The following MFSD6 variants were observed in gnomAD, a reference collection of about 807,000 sequenced individuals.
MFSD6 encodes major facilitator superfamily domain containing 6.
A neutral mutation model predicts 56.3 loss-of-function variants in MFSD6; 26 were observed. That is an observed-to-expected ratio of 0.46 (90% CI 0.34 to 0.64). MFSD6 has a LOEUF of 0.64. MFSD6 is among the 30% of genes least tolerant of loss of function. MFSD6 has a pLI of 0.01. For missense variants in MFSD6, 750 were observed against 986.2 expected, an observed-to-expected ratio of 0.76 and a Z score of 3.21; for synonymous variants, 331 against 366.9, an observed-to-expected ratio of 0.90 and a Z score of 1.12.
chr2:190,493,432 G>A (rs547203905), intron 6 of MFSD6, among the ~76,000 whole-genome samples: 1 of 152,180 alleles, frequency 6.6e-6, no homozygotes, highest in South Asian at 2.1e-4. Context: ...CACAATAATA[G>A]TGGGAGACGT....
In MFSD6 at chr2:190,489,889, A is replaced by C. The variant is rs1277898738; in HGVS notation, c.1891+23A>C. 6 of 1,602,680 alleles carry C rather than the reference A, an allele frequency of 3.7e-6. No individual in the cohort carries two copies. The highest frequency in any genetic ancestry group is 5.1e-6 in the Non-Finnish European group (6 of 1,172,268). On this transcript the variant is annotated intron_variant, in intron 6 of 7. Coordinates refer to ENST00000392328, the MANE Select transcript of MFSD6 (RefSeq NM_017694.4). This position sits in a 1 kb window ranked among gnomAD's most constrained non-coding sequence, Gnocchi z 6.6. ...AAGGTAATTATTTCCATTCTTTCTT[A>C]ATATTCCTAACAGTTCAGGCCATGG... is the stretch of plus-strand genomic sequence containing the variant.
Position 190,497,483 on chromosome 2 carries a change from G to A in MFSD6, c.1936G>A (p.Val646Ile), listed in dbSNP as rs368011115. Residue 646 changes from valine (V) to isoleucine (I), a missense_variant, in exon 7 of 8, where the codon GTT (valine) becomes ATT (isoleucine). Val to Ile is a conservative substitution (Grantham distance 29). Around this residue, in one of 5 missense-constraint regions of MFSD6, gnomAD observed 172 missense variants for 203.9 expected, o/e 0.84. Coordinates refer to ENST00000392328, the MANE Select transcript of MFSD6 (RefSeq NM_017694.4). This position sits in a 1 kb window ranked among gnomAD's most constrained non-coding sequence, Gnocchi z 5.2. ...AAGAATTCCTGTTCCCTCCAGTCCCGTTCCTATAGCAACCATCGACTTGGT... is the reference window on the plus strand; with the variant it reads ...AAGAATTCCTGTTCCCTCCAGTCCCATTCCTATAGCAACCATCGACTTGGT... ...AERIPVPSSP[V>I]PIATIDLVQQ... 91 of 1,613,944 alleles carry A rather than the reference G, an allele frequency of 5.6e-5. No homozygotes were observed. The highest frequency in any genetic ancestry group is 1.6e-4 in the Middle Eastern group (1 of 6,084).
chr2:190,463,889 A>G lies in MFSD6; in HGVS notation c.1533-5869A>G. ...ATGGAGCCCAATCTAAGGGCGCACC[A>G]TATACTGTCTACCATACAGAAAACG... On this transcript the variant is annotated intron_variant, in intron 3 of 7. Transcript: ENST00000392328. The surrounding 1 kb of genome is among the most constrained non-coding windows in gnomAD (Gnocchi z 4.4). 1 of 984,654 alleles carries G rather than the reference A, an allele frequency of 1.0e-6. No individual in the cohort carries two copies. The highest frequency in any genetic ancestry group is 1.2e-6 in the Non-Finnish European group (1 of 829,234). 61.0% of individuals were successfully genotyped at this position (984,654 alleles called of 1,614,324 possible).
At position 190,438,364 on chromosome 2, in the gene MFSD6, AAGTT is replaced by A. The variant is rs1411876154; in HGVS notation, c.1532+806_1532+809del. 6.6e-6 allele frequency among the ~76,000 whole-genome samples: 1 copy of A among 152,102 alleles called. No homozygotes were observed. The highest frequency in any genetic ancestry group is 1.5e-5 in the Non-Finnish European group (1 of 68,012). On this transcript the variant is annotated intron_variant, in intron 3 of 7. Coordinates refer to ENST00000392328, the MANE Select transcript of MFSD6 (RefSeq NM_017694.4). The surrounding 1 kb of genome is among the most constrained non-coding windows in gnomAD (Gnocchi z 5.2). ...AACCCCATCTCTACTAAAAATACAA[AAGTT>A]AGCCGGGCATGGTGGCACGCACCCG...
rs1686202886 is a variant in MFSD6 at position 190,437,107 on chromosome 2, T to C, written c.1078T>C (p.Cys360Arg). The change falls in exon 3 of 8, where the codon TGT becomes CGT. Residue 360 changes from cysteine to arginine, a missense_variant. Transcript: ENST00000392328. This position sits in a 1 kb window ranked among gnomAD's most constrained non-coding sequence, Gnocchi z 5.9. ...HIEVLIDGKG[C>R]KPPEYRNYQI... ...CGAAGTGCTCATCGATGGAAAGGGG[T>C]GTAAGCCCCCCGAGTACAGGAATTA... 1 of 1,614,056 alleles carries C rather than the reference T, an allele frequency of 6.2e-7. No homozygotes were observed. The highest frequency in any genetic ancestry group is 8.5e-7 in the Non-Finnish European group (1 of 1,180,034).
chr2:190,479,701 A>C (rs1386678891), intron 4 of MFSD6, among the ~76,000 whole-genome samples: 4 of 152,144 alleles, frequency 2.6e-5, no homozygotes, highest in African/African-American at 7.2e-5. Context: ...ATCTGATGAG[A>C]GTAAAACTCA....
chr2:190,424,151 A>G lies in MFSD6; in HGVS notation c.-54+8738A>G, dbSNP rs1337562988. 6.6e-6 allele frequency among the ~76,000 whole-genome samples: 1 copy of G among 151,910 alleles called. No homozygotes were observed. Among genetic ancestry groups the G allele is most frequent in the African/African-American group, 2.4e-5 (1 of 41,364 alleles). On this transcript the variant is annotated intron_variant, in intron 2 of 7. Transcript: ENST00000392328. The surrounding 1 kb of genome is among the most constrained non-coding windows in gnomAD (Gnocchi z 5.9). ...GTTTTAAATTTTAATGAAGTCTAAC[A>G]TTAGTTTTTCCTTTTATGGATCATG... is the stretch of plus-strand genomic sequence containing the variant.
At chr2:190,464,126 C>T (rs770859107) in intron 3 of MFSD6, among the ~76,000 whole-genome samples, 39 of 152,298 alleles carry the variant, frequency 2.6e-4, no homozygotes, top group Non-Finnish European at 1.6e-4. Flanking sequence ...CCTCGAGCAA[C>T]CTTGTATGCA....
chr2:190,438,794 T>G lies in MFSD6; in HGVS notation c.1532+1233T>G, dbSNP rs74503974. On this transcript the variant is annotated intron_variant, in intron 3 of 7. Coordinates refer to ENST00000392328, the MANE Select transcript of MFSD6 (RefSeq NM_017694.4). The surrounding 1 kb of genome is among the most constrained non-coding windows in gnomAD (Gnocchi z 5.2). ...AGGAGAAATAGACAATGACAAGATTTGACAATCCTTTATTTCCTTTCTATT... is the reference window on the plus strand; with the variant it reads ...AGGAGAAATAGACAATGACAAGATTGGACAATCCTTTATTTCCTTTCTATT... 9.8e-5 allele frequency among the ~76,000 whole-genome samples: 15 copies of G among 152,360 alleles called. No individual in the cohort carries two copies. Among genetic ancestry groups the G allele is most frequent in the Middle Eastern group, 3.4e-3 (1 of 294 alleles).
At chr2:190,428,654 C>T (rs11887833) in intron 2 of MFSD6, among the ~76,000 whole-genome samples, 52,143 of 107,882 alleles carry the variant, frequency 0.48, 10,099 homozygotes, top group East Asian at 0.59. Flanking sequence ...GAGATGCTTG[C>T]TTATTTATTT....
At chr2:190,476,461 C>A (rs1278290091) in intron 4 of MFSD6, among the ~76,000 whole-genome samples, 3 of 152,166 alleles carry the variant, frequency 2.0e-5, no homozygotes, top group East Asian at 3.9e-4. Context: ...AAATGCTCAT[C>A]ATCACTGGCC....
At chr2:190,422,222 G>T (rs1484155016) in intron 2 of MFSD6, among the ~76,000 whole-genome samples, 2 of 152,116 alleles carry the variant, frequency 1.3e-5, no homozygotes, top group African/African-American at 4.8e-5. Flanking sequence ...GGACATTCAG[G>T]TGTATTGGTA....
chr2:190,459,015 A>G lies in MFSD6; in HGVS notation c.1533-10743A>G, dbSNP rs1227696436. 1.3e-5 allele frequency among the ~76,000 whole-genome samples: 2 copies of G among 152,238 alleles called. No homozygotes were observed. Among genetic ancestry groups the G allele is most frequent in the Admixed American group, 6.5e-5 (1 of 15,282 alleles). ...CTGACTGCTCCCAAGTCTGACGTAG[A>G]GAGTGGGTCCATCCCCTCTTCAGTA... On this transcript the variant is annotated intron_variant, in intron 3 of 7. Transcript: ENST00000392328. This position sits in a 1 kb window ranked among gnomAD's most constrained non-coding sequence, Gnocchi z 5.3.
At chr2:190,493,964 C>A (rs1158838697) in intron 6 of MFSD6, among the ~76,000 whole-genome samples, 2 of 151,098 alleles carry the variant, frequency 1.3e-5, no homozygotes, top group Non-Finnish European at 3.0e-5. Flanking sequence ...ACTAGAGAAA[C>A]AAGAACAAAC....
In MFSD6 at chr2:190,426,150, CT is replaced by C. The variant is rs373548757; in HGVS notation, c.-53-9820del. 6.6e-6 allele frequency among the ~76,000 whole-genome samples: 1 copy of C among 152,106 alleles called. No homozygotes were observed. Among genetic ancestry groups the C allele is most frequent in the Non-Finnish European group, 1.5e-5 (1 of 68,002 alleles). On this transcript the variant is annotated intron_variant, in intron 2 of 7. Coordinates refer to ENST00000392328, the MANE Select transcript of MFSD6 (RefSeq NM_017694.4). The surrounding 1 kb of genome is among the most constrained non-coding windows in gnomAD (Gnocchi z 4.7). Reference sequence around the variant, plus strand: ...ACTTCTTTGACAACTTTTTCACTCCCTTTTTTTCTCCTCACCTTCCAGGACT... The same window carrying C: ...ACTTCTTTGACAACTTTTTCACTCCCTTTTTTCTCCTCACCTTCCAGGACT...
chr2:190,472,147 G>A (rs1254237634), intron 4 of MFSD6, among the ~76,000 whole-genome samples: 1 of 152,138 alleles, frequency 6.6e-6, no homozygotes, highest in Non-Finnish European at 1.5e-5. Flanking sequence ...GGAAAAAACA[G>A]AGCAGAAAAA....
At chr2:190,442,205 C>T (rs1241961295) in intron 3 of MFSD6, among the ~76,000 whole-genome samples, 1 of 152,068 alleles carries the variant, frequency 6.6e-6, no homozygotes, top group African/African-American at 2.4e-5. Flanking sequence ...ATTCTACATG[C>T]TCTAGAGGAC....
In MFSD6 at chr2:190,459,144, C is replaced by T. The variant is rs1687193596; in HGVS notation, c.1533-10614C>T. On this transcript the variant is annotated intron_variant, in intron 3 of 7. Coordinates refer to ENST00000392328, the MANE Select transcript of MFSD6 (RefSeq NM_017694.4). This position sits in a 1 kb window ranked among gnomAD's most constrained non-coding sequence, Gnocchi z 5.3. ...ATCCAAGACTCCTTTTTTCCTCCCT[C>T]CATATTGTGGCTCCTTTCTCTTTTG... Among the ~76,000 whole-genome samples, 1 of 152,198 alleles carries T rather than the reference C, an allele frequency of 6.6e-6. No homozygotes were observed. The highest frequency in any genetic ancestry group is 2.1e-4 in the South Asian group (1 of 4,826).
chr2:190,465,661 G>A lies in MFSD6; in HGVS notation c.1533-4097G>A, dbSNP rs561148208. 6.6e-6 allele frequency among the ~76,000 whole-genome samples: 1 copy of A among 152,062 alleles called. No individual in the cohort carries two copies. The highest frequency in any genetic ancestry group is 1.9e-4 in the East Asian group (1 of 5,172). ...TAGAGTGAATGTGTTCATTTGCTTG[G>A]GTTACCACAAAGTACCACGGTCTGG... On this transcript the variant is annotated intron_variant, in intron 3 of 7. Transcript: ENST00000392328. The surrounding 1 kb of genome is among the most constrained non-coding windows in gnomAD (Gnocchi z 4.6).
Sources: gnomAD v4.1 joint callset for allele counts (sites outside exome capture counted in the v4.1 genomes callset) on GRCh38, gnomAD v4.1.1 for gene constraint, gnomAD v4.1.1 regional missense constraint, Gnocchi (gnomAD v3.1) non-coding constraint, MANE v1.5 for transcripts, NCBI Gene and HGNC (gene_info 2026-07-23, HGNC 2026-07-21) for gene names.